Variants in TMEM45A observed in about 807,000 individuals in gnomAD.
TMEM45A encodes transmembrane protein 45A.
Under a neutral mutation model 32.0 loss-of-function variants are expected in TMEM45A, and 25 were observed. The ratio of observed to expected loss-of-function variants is 0.78; its 90% confidence interval spans 0.57 to 1.09. The LOEUF is 1.09. TMEM45A is among the 50% of genes least tolerant of loss of function. The probability of loss-of-function intolerance (pLI) is 0.00; values close to 1 mark genes in which losing one functional copy is unlikely to be tolerated. For missense variants in TMEM45A, 302 were observed against 325.0 expected (o/e 0.93, Z 0.54); for synonymous variants, 122 against 114.8 (o/e 1.06, Z -0.40).
At position 100,572,793 on chromosome 3, in the gene TMEM45A, G is replaced by A. The variant is rs62274578; in HGVS notation, c.734+3826G>A. The A allele has an allele frequency of 2.0e-5, 3 of 149,886 alleles. No homozygotes were observed. In the East Asian group the frequency reaches 5.9e-4, roughly 29 times the overall value. The allele number at this position is 149,886 out of a possible 1,614,324, so 9.3% of individuals were successfully genotyped here. A position where few individuals can be genotyped will look rare whatever the true frequency, so the allele number is the denominator to read the frequency against. On this transcript the variant is annotated intron_variant, in intron 5 of 5. Transcript: ENST00000323523. ...AATTTTTGTATAAGGTGTAAGGAAG[G>A]GATCCAGTTTCAGCTTTCTACATAT... is the stretch of plus-strand genomic sequence containing the variant.
chr3:100,493,120 CTTTTTTTTT>C (rs570241165), intron 1 of TMEM45A, among the ~76,000 whole-genome samples, 192 bp downstream of exon 1: 12 of 115,900 alleles, frequency 1.0e-4, no homozygotes, highest in East Asian at 2.5e-4. Flanking sequence ...GTTTGCTATT[CTTTTTTTTT>C]TTTTTTTTTT....
At chr3:100,519,397 G>GTGCA (rs1212516138) in intron 1 of TMEM45A, 13 of 632,234 alleles carry the variant, frequency 2.1e-5, no homozygotes, top group Non-Finnish European at 3.1e-5. Flanking sequence ...ATGTGTGTGT[G>GTGCA]TGTGTGTGTG....
At chr3:100,535,298 G>A (rs1705722204) in intron 1 of TMEM45A, among the ~76,000 whole-genome samples, 1 of 152,094 alleles carries the variant, frequency 6.6e-6, no homozygotes, top group South Asian at 2.1e-4. Flanking sequence ...ATTTTTAGTA[G>A]AGATGGGGTT....
intron 1 of TMEM45A, among the ~76,000 whole-genome samples, chr3:100,524,468 T>C (rs1222152393): frequency 6.6e-6 from 1 of 152,206 alleles, no homozygotes; most frequent in Non-Finnish European, 1.5e-5. Flanking sequence ...TTCCCCTGCC[T>C]TCATACATCA....
At chr3:100,540,681 G>A (rs1223969895) in intron 1 of TMEM45A, among the ~76,000 whole-genome samples, 1 of 152,180 alleles carries the variant, frequency 6.6e-6, no homozygotes, top group Non-Finnish European at 1.5e-5. Context: ...ATACAATTCA[G>A]AATTGTGCTC....
At chr3:100,536,788 G>A (rs1705746916) in intron 1 of TMEM45A, among the ~76,000 whole-genome samples, 1 of 152,198 alleles carries the variant, frequency 6.6e-6, no homozygotes, top group African/African-American at 2.4e-5. Flanking sequence ...CAGTTCCACT[G>A]GATAGATGGT....
rs371533437 is a variant in TMEM45A at position 100,555,409 on chromosome 3, G to A, written c.190+8G>A. 1 of 1,609,852 alleles carries A rather than the reference G, an allele frequency of 6.2e-7. No individual in the cohort carries two copies. The highest frequency in any genetic ancestry group is 1.3e-5 in the African/African-American group (1 of 74,690). On this transcript the variant is annotated splice_region_variant and intron_variant, in intron 2 of 5. Coordinates refer to ENST00000323523, the MANE Select transcript of TMEM45A (RefSeq NM_018004.3). ...TTGGCATGGCTTTAACTGGTGAGTG[G>A]ACCATTCTGTGTTCTATTTTTACCT...
At chr3:100,510,300 G>C (rs1201810358) in intron 1 of TMEM45A, among the ~76,000 whole-genome samples, 1 of 151,638 alleles carries the variant, frequency 6.6e-6, no homozygotes, top group Non-Finnish European at 1.5e-5. Flanking sequence ...TCCTCAAGTG[G>C]GTCCCTGACC....
rs200091197 is a variant in TMEM45A, at chr3:100,513,234, C to A, written c.-4+20306C>A. 2.3e-3 allele frequency among the ~76,000 whole-genome samples: 356 copies of A among 151,938 alleles called. 12 individuals are homozygous for A. The East Asian group carries it at 0.063, about 27-fold the overall frequency. On this transcript the variant is annotated intron_variant, in intron 1 of 5. Coordinates refer to ENST00000323523, the MANE Select transcript of TMEM45A (RefSeq NM_018004.3). ...CGATGCAAAAATCCTCAATAAAATA[C>A]TGGCAAACCGAATCCAGCAGCACAT...
intron 4 of TMEM45A, among the ~76,000 whole-genome samples, chr3:100,567,886 G>A (rs1284009325): frequency 2.0e-5 from 3 of 152,094 alleles, no homozygotes; most frequent in African/African-American, 7.2e-5. Context: ...CTGGGTTCAC[G>A]CCATTCTCCT....
At chr3:100,576,478 G>C (rs886450905) in intron 5 of TMEM45A, among the ~76,000 whole-genome samples, 2 of 151,788 alleles carry the variant, frequency 1.3e-5, no homozygotes, top group Non-Finnish European at 2.9e-5. Flanking sequence ...TAATTAGCTG[G>C]GTGTGATGAT....
Position 100,556,944 on chromosome 3 carries a change from A to T in TMEM45A, c.375A>T (p.Leu125Phe), listed in dbSNP as rs544008446. Residue 125 changes from leucine (L) to phenylalanine (F), a missense_variant, in exon 3 of 6, where the codon TTA becomes TTT. Leu to Phe is a conservative substitution (Grantham distance 22, BLOSUM62 0). Transcript: ENST00000323523. ...ISSLPVSLTK[L>F]MLSNALFVEA... ...CACTTCCTGTGTCCTTAACCAAGTT[A>T]ATGTTGTCAAATGCCTTATTTGTGG... 1.2e-6 allele frequency: 2 copies of T among 1,614,166 alleles called. No homozygotes were observed. The highest frequency in any genetic ancestry group is 4.5e-5 in the East Asian group (2 of 44,888).
chr3:100,515,520 C>G (rs1425807162), intron 1 of TMEM45A, among the ~76,000 whole-genome samples: 1 of 149,862 alleles, frequency 6.7e-6, no homozygotes, highest in Non-Finnish European at 1.5e-5. Context: ...GGAGATATAC[C>G]TAATGCTAGA....
intron 1 of TMEM45A, among the ~76,000 whole-genome samples, chr3:100,552,941 G>T (rs1403871416): frequency 2.6e-5 from 4 of 152,172 alleles, no homozygotes; most frequent in African/African-American, 9.7e-5. Flanking sequence ...CAAGAGAAGT[G>T]TCTTGGGCAC....
At chr3:100,569,800 A>G (rs74692151) in intron 5 of TMEM45A, among the ~76,000 whole-genome samples, 11,005 of 152,268 alleles carry the variant, frequency 0.072, 1,345 homozygotes, top group African/African-American at 0.25. Context: ...TTTTAGTCTT[A>G]TAATTAGGAC....
At chr3:100,495,112 G>A (rs1383672092) in intron 1 of TMEM45A, among the ~76,000 whole-genome samples, 2 of 152,162 alleles carry the variant, frequency 1.3e-5, no homozygotes, top group Non-Finnish European at 2.9e-5. Context: ...TCTAGCAACT[G>A]GTATTAACTG....
chr3:100,566,552 C>T (rs1478423221), intron 4 of TMEM45A, among the ~76,000 whole-genome samples: 1 of 152,000 alleles, frequency 6.6e-6, no homozygotes, highest in Non-Finnish European at 1.5e-5. Flanking sequence ...TATTATTATC[C>T]TCATTTTCAT....
At chr3:100,566,041 G>T (rs909206543) in intron 4 of TMEM45A, among the ~76,000 whole-genome samples, 1 of 152,240 alleles carries the variant, frequency 6.6e-6, no homozygotes, top group Non-Finnish European at 1.5e-5. Context: ...GAACTTTTGT[G>T]TCTGGCTTCT....
intron 1 of TMEM45A, among the ~76,000 whole-genome samples, chr3:100,551,251 G>C (rs1706095692): frequency 6.6e-6 from 1 of 152,106 alleles, no homozygotes; most frequent in Non-Finnish European, 1.5e-5. Context: ...CTGACCTCGT[G>C]ATCCGCCTGT....
Sources: allele counts gnomAD v4.1 joint callset (sites outside exome capture counted in the v4.1 genomes callset), GRCh38; gene constraint gnomAD v4.1.1; transcripts MANE v1.5; gene names NCBI Gene and HGNC (gene_info 2026-07-23, HGNC 2026-07-21).